The following ELAVL2 variants were observed in gnomAD, a reference collection of about 807,000 sequenced individuals.
ELAVL2 encodes the protein ELAV-like protein 2.
ELAVL2 carries 4 observed loss-of-function variants against 34.6 expected under a neutral mutation model. The ratio of observed to expected loss-of-function variants is 0.12; its 90% CI spans 0.06 to 0.26. The LOEUF (loss-of-function observed/expected upper bound fraction) is 0.26, where lower values mean the gene tolerates loss of function less well. ELAVL2 is among the 10% of genes least tolerant of loss of function. The probability of loss-of-function intolerance (pLI) is 1.00; values close to 1 mark genes in which losing one functional copy is unlikely to be tolerated. For synonymous variants in ELAVL2, 193 were observed against 154.8 expected, an observed-to-expected ratio of 1.25 and a Z score of -1.83; for missense variants, 432 against 442.8, an observed-to-expected ratio of 0.98 and a Z score of 0.22.
intron 1 of ELAVL2, among the ~76,000 whole-genome samples, chr9:23,819,293 A>T (rs978428768): frequency 6.6e-6 from 1 of 152,196 alleles, no homozygotes; most frequent in African/African-American, 2.4e-5. Flanking sequence ...TGGGACAGAA[A>T]GGCTTTGTTT....
intron 2 of ELAVL2, among the ~76,000 whole-genome samples, chr9:23,744,706 A>G (rs1477515872): frequency 6.6e-6 from 1 of 151,996 alleles, no homozygotes; most frequent in African/African-American, 2.4e-5. Flanking sequence ...AAAGCCTACT[A>G]TACTATTTTG....
intron 1 of ELAVL2, among the ~76,000 whole-genome samples, chr9:23,783,204 T>TA (rs1276936024): frequency 6.6e-6 from 1 of 152,218 alleles, no homozygotes; most frequent in Middle Eastern, 3.2e-3. Flanking sequence ...AAGACATTAA[T>TA]AAGCAGAATT....
At chr9:23,776,029 G>T (rs1009244345) in intron 1 of ELAVL2, among the ~76,000 whole-genome samples, 3 of 152,076 alleles carry the variant, frequency 2.0e-5, no homozygotes, top group Non-Finnish European at 4.4e-5. Context: ...ATTCAAGGTG[G>T]CAAGTAAAAA....
chr9:23,784,847 A>G (rs1379458150), intron 1 of ELAVL2, among the ~76,000 whole-genome samples: 2 of 152,240 alleles, frequency 1.3e-5, no homozygotes, highest in African/African-American at 4.8e-5. Context: ...GAAACACTTA[A>G]TATCCGTAGG....
chr9:23,724,116 A>G (rs763405347), intron 3 of ELAVL2, among the ~76,000 whole-genome samples: 1 of 152,218 alleles, frequency 6.6e-6, no homozygotes, highest in East Asian at 1.9e-4. Context: ...ATGAGGGGCT[A>G]TGATACCCCT....
At chr9:23,732,002 T>C (rs7861646) in intron 2 of ELAVL2, among the ~76,000 whole-genome samples, 53,564 of 151,966 alleles carry the variant, frequency 0.35, 10,111 homozygotes, top group East Asian at 0.51. Flanking sequence ...TCAATCGCAA[T>C]GGTCTCAACT....
rs374191940 is a variant in ELAVL2 at position 23,757,111 on chromosome 9, T to C, written c.229+4895A>G. 1.6e-4 allele frequency among the ~76,000 whole-genome samples: 25 copies of C among 152,214 alleles called. No homozygotes were observed. In the East Asian group the frequency reaches 3.3e-3, roughly 20 times the overall value. On this transcript the variant is annotated intron_variant, in intron 2 of 6. Coordinates refer to ENST00000397312, the MANE Select transcript of ELAVL2 (RefSeq NM_004432.5). ...ATTTGGGTACCACCGGGCTAGAATATCAAGTTCACAACCATAGATTATAAT... is the reference window on the plus strand; with the variant it reads ...ATTTGGGTACCACCGGGCTAGAATACCAAGTTCACAACCATAGATTATAAT...
rs184368991 is a variant in ELAVL2 at position 23,763,828 on chromosome 9, C to G, written c.-15-1579G>C. 2.6e-3 allele frequency among the ~76,000 whole-genome samples: 392 copies of G among 152,148 alleles called. 1 individual carries two copies. The highest frequency in any genetic ancestry group is 8.1e-3 in the African/African-American group (338 of 41,506). ...TTGAAATATCCAACAACCTGTAACCCCTCTGTGACTTCATTTCCTTGTCAA... is the reference window on the plus strand; with the variant it reads ...TTGAAATATCCAACAACCTGTAACCGCTCTGTGACTTCATTTCCTTGTCAA... On this transcript the variant is annotated intron_variant, in intron 1 of 6. Coordinates refer to ENST00000397312, the MANE Select transcript of ELAVL2 (RefSeq NM_004432.5).
chr9:23,828,517 G>A (rs914806988), upstream of ELAVL2, among the ~76,000 whole-genome samples: 14 of 152,250 alleles, frequency 9.2e-5, no homozygotes, highest in South Asian at 4.1e-4. Flanking sequence ...GTGATATGGA[G>A]TAATAAAAAT....
chr9:23,801,041 T>A (rs2061507830), intron 1 of ELAVL2, among the ~76,000 whole-genome samples: 1 of 152,200 alleles, frequency 6.6e-6, no homozygotes, highest in Admixed American at 6.5e-5. Context: ...AGGCTAATTG[T>A]GAACTGTACA....
the ELAVL2 span, among the ~76,000 whole-genome samples, chr9:23,840,390 A>C: frequency 0.22 from 33,607 of 151,876 alleles, 4,122 homozygotes; most frequent in Non-Finnish European, 0.26. Context: ...GGTGTAATCT[A>C]AGCACATATG....
chr9:23,693,519 T>C lies in ELAVL2; in HGVS notation c.714-33A>G, dbSNP rs1296981803. On this transcript the variant is annotated intron_variant, in intron 5 of 6. Coordinates refer to ENST00000397312, the MANE Select transcript of ELAVL2 (RefSeq NM_004432.5). Reference sequence around the variant, plus strand: ...ACACACATTTAGCAAACTTCAGTTTTTAATTTTTCCCCTTGATGTTCAAGA... The same window carrying C: ...ACACACATTTAGCAAACTTCAGTTTCTAATTTTTCCCCTTGATGTTCAAGA... The C allele has an allele frequency of 1.9e-6, 3 of 1,613,944 alleles. No homozygotes were observed. In the East Asian group the frequency reaches 6.7e-5, roughly 36 times the overall value.
intron 2 of ELAVL2, among the ~76,000 whole-genome samples, chr9:23,733,360 G>T (rs1286925717): frequency 6.6e-6 from 1 of 151,962 alleles, no homozygotes; most frequent in South Asian, 2.1e-4. Flanking sequence ...CCCACCTTGG[G>T]CTCTGATTTT....
chr9:23,758,311 A>G (rs927013781), intron 2 of ELAVL2, among the ~76,000 whole-genome samples: 10 of 152,262 alleles, frequency 6.6e-5, no homozygotes, highest in Admixed American at 2.6e-4. Flanking sequence ...TTCAAAGTAC[A>G]ACCACTCAGA....
intron 3 of ELAVL2, among the ~76,000 whole-genome samples, chr9:23,730,102 T>C (rs2046182972): frequency 6.6e-6 from 1 of 152,052 alleles, no homozygotes; most frequent in African/African-American, 2.4e-5. Flanking sequence ...TGAGAAAGAG[T>C]GCCATGATTG....
At chr9:23,772,607 A>G (rs2057501068) in intron 1 of ELAVL2, among the ~76,000 whole-genome samples, 1 of 149,232 alleles carries the variant, frequency 6.7e-6, no homozygotes, top group South Asian at 2.1e-4. Flanking sequence ...TAACATTAGG[A>G]GGCTACAAAT....
At chr9:23,746,542 C>T (rs2050533669) in intron 2 of ELAVL2, among the ~76,000 whole-genome samples, 1 of 152,040 alleles carries the variant, frequency 6.6e-6, no homozygotes, top group South Asian at 2.1e-4. Context: ...GAGTCATCAT[C>T]ACCATCTTAT....
intron 3 of ELAVL2, among the ~76,000 whole-genome samples, chr9:23,725,930 G>A (rs372403710): frequency 2.0e-5 from 3 of 152,002 alleles, no homozygotes; most frequent in Non-Finnish European, 4.4e-5. Flanking sequence ...TTATTTTAAC[G>A]ATATAAATGG....
At chr9:23,710,829 T>C (rs2133647923) in intron 3 of ELAVL2, among the ~76,000 whole-genome samples, 1 of 152,296 alleles carries the variant, frequency 6.6e-6, no homozygotes, top group South Asian at 2.1e-4. Context: ...AGCAAAGGTC[T>C]TGTGACAGCA....
Sources: allele counts gnomAD v4.1 joint callset (sites outside exome capture counted in the v4.1 genomes callset), GRCh38; gene constraint gnomAD v4.1.1; transcripts MANE v1.5; gene names NCBI Gene and HGNC (gene_info 2026-07-23, HGNC 2026-07-21).